ETS2: variants seen among roughly 807,000 people sequenced by gnomAD.
ETS2 encodes the protein protein C-ets-2.
In ETS2, 19 loss-of-function variants were observed where a neutral mutation model predicts 54.9. The observed-to-expected ratio is 0.35, with a 90% CI of 0.24 to 0.51. The LOEUF (loss-of-function observed/expected upper bound fraction) is 0.51. Ranked by LOEUF, ETS2 falls within the 20% of genes least tolerant of loss-of-function variation. The pLI is 0.97. For synonymous variants in ETS2, 219 were observed against 229.3 expected, an observed-to-expected ratio of 0.95 and a Z score of 0.41; for missense variants, 417 against 593.0, an observed-to-expected ratio of 0.70 and a Z score of 3.08.
Position 38,823,358 on chromosome 21 carries a change from T to C in ETS2, c.*469T>C, listed in dbSNP as rs1349677864. On this transcript the variant is annotated 3_prime_UTR_variant, in exon 10 of 10. Coordinates refer to ENST00000360938, the MANE Select transcript of ETS2 (RefSeq NM_005239.6). ...AGTTAGTTTGTATATATTATTATAA[T>C]CTTATAATTGTTCTCAGAATCCCTT... The C allele has an allele frequency of 1.3e-5, 2 of 152,888 alleles. No individual in the cohort carries two copies. Among genetic ancestry groups the C allele is most frequent in the African/African-American group, 4.8e-5 (2 of 41,474 alleles). The allele number at this position is 152,888 out of a possible 1,614,324, so 9.5% of individuals were successfully genotyped here.
intron 1 of ETS2, among the ~76,000 whole-genome samples, chr21:38,808,907 G>C (rs1054375362): frequency 2.6e-5 from 4 of 152,204 alleles, no homozygotes; most frequent in African/African-American, 4.8e-5. Context: ...CACCCTAGAG[G>C]TGAAGGCCAT....
intron 2 of ETS2, 82 bp from the exon 3 acceptor site, chr21:38,812,921 T>G: frequency 1.1e-6 from 1 of 936,234 alleles, no homozygotes; most frequent in Non-Finnish European, 1.7e-6. Flanking sequence ...ATTGGTAGGA[T>G]TGCCCACAGA....
intron 8 of ETS2, among the ~76,000 whole-genome samples, chr21:38,820,475 C>T (rs1001668546): frequency 1.2e-4 from 18 of 152,162 alleles, no homozygotes; most frequent in South Asian, 2.1e-4. Flanking sequence ...TTAAAATACA[C>T]GGAAAGAGTG....
rs2060892805 is a variant in ETS2, at chr21:38,806,328, C to T, written c.-1+208C>T. 1 of 964,272 alleles carries T rather than the reference C, an allele frequency of 1.0e-6. No individual in the cohort carries two copies. The highest frequency in any genetic ancestry group is 1.2e-6 in the Non-Finnish European group (1 of 810,700). The allele number at this position is 964,272 out of a possible 1,614,324, so 59.7% of individuals were successfully genotyped here. ...GCTCGTTTTCCGGTTATGGAGTGGC[C>T]TCCGGGGCTGGCGGGGTCGGCCGGG... On this transcript the variant is annotated intron_variant, in intron 1 of 9. Coordinates refer to ENST00000360938, the MANE Select transcript of ETS2 (RefSeq NM_005239.6). The surrounding 1 kb of genome is among the most constrained non-coding windows in gnomAD (Gnocchi z 4.3).
At position 38,818,023 on chromosome 21, in the gene ETS2, G is replaced by A. The variant is rs1262630062; in HGVS notation, c.590-402G>A. On this transcript the variant is annotated intron_variant, in intron 6 of 9. Transcript: ENST00000360938. ...GAAGGAGCAGAAAGCAGAGTGGGCT[G>A]TGCCTCAGCACACAGGGTTCATGGC... Among the ~76,000 whole-genome samples the A allele has an allele frequency of 1.3e-5, 2 of 152,198 alleles. 1 individual carries two copies.
rs1440950336 is a variant in ETS2 at position 38,814,664 on chromosome 21, C to T, written c.305-117C>T. The T allele has an allele frequency of 1.1e-5, 10 of 948,682 alleles. No individual in the cohort carries two copies. Among genetic ancestry groups the T allele is most frequent in the African/African-American group, 1.6e-5 (1 of 61,672 alleles). 58.8% of individuals were successfully genotyped at this position (948,682 alleles called of 1,614,324 possible). On this transcript the variant is annotated intron_variant, in intron 4 of 9. Transcript: ENST00000360938. This position sits in a 1 kb window ranked among gnomAD's most constrained non-coding sequence, Gnocchi z 4.2. ...TGACGTGTCATCATGGTATCTTGCT[C>T]ATTCGTGGGTTCTGGTGTATGTCGG...
In ETS2 at chr21:38,814,579, T is replaced by C. The variant is rs937870958; in HGVS notation, c.304+187T>C. 1.3e-5 allele frequency among the ~76,000 whole-genome samples: 2 copies of C among 152,182 alleles called. No homozygotes were observed. The highest frequency in any genetic ancestry group is 4.8e-5 in the African/African-American group (2 of 41,452). Reference sequence around the variant, plus strand: ...AAGACTTGATCCAGAACTCATTAAATATGTAGTAGAAGGACGCATTACTGG... The same window carrying C: ...AAGACTTGATCCAGAACTCATTAAACATGTAGTAGAAGGACGCATTACTGG... On this transcript the variant is annotated intron_variant, in intron 4 of 9. Transcript: ENST00000360938. This position sits in a 1 kb window ranked among gnomAD's most constrained non-coding sequence, Gnocchi z 4.2.
chr21:38,807,322 G>C (rs1423690385), intron 1 of ETS2, among the ~76,000 whole-genome samples: 3 of 151,336 alleles, frequency 2.0e-5, no homozygotes, highest in Non-Finnish European at 4.4e-5. Context: ...TCTTACATAA[G>C]TGATTACTTG....
intron 7 of ETS2, 44 bp downstream of exon 7, chr21:38,818,690 T>G: frequency 1.2e-6 from 2 of 1,607,712 alleles, no homozygotes; most frequent in African/African-American, 2.7e-5. Context: ...GCTTTGATTC[T>G]GAGAACCCCA....
chr21:38,820,363 T>TA (rs2060952977), intron 8 of ETS2, among the ~76,000 whole-genome samples: 2 of 152,172 alleles, frequency 1.3e-5, no homozygotes, highest in South Asian at 4.1e-4. Flanking sequence ...CCACTGTGGA[T>TA]TGAAATTACC....
intron 1 of ETS2, chr21:38,809,643 G>A: frequency 1.1e-5 from 2 of 180,208 alleles, no homozygotes; most frequent in East Asian, 1.8e-4. Flanking sequence ...GCGGCCCACT[G>A]CCCCACTGTA....
At position 38,813,081 on chromosome 21, in the gene ETS2, G is replaced by T; in HGVS notation, c.151G>T (p.Glu51Ter). ...PSLNEEQTLQ[E>*]VPTGLDSISH... ...TCTAAATGAAGAGCAAACACTGCAAGAAGTGCCAACAGGCTTGGATTCCAT... is the reference window on the plus strand; with the variant it reads ...TCTAAATGAAGAGCAAACACTGCAATAAGTGCCAACAGGCTTGGATTCCAT... The change falls in exon 3 of 10, where the codon GAA (glutamate) becomes TAA (stop). Residue 51 changes from glutamate (E) to a stop codon, truncating the protein, a stop_gained. Coordinates refer to ENST00000360938, the MANE Select transcript of ETS2 (RefSeq NM_005239.6). LOFTEE classifies it high-confidence loss of function. The T allele has an allele frequency of 6.2e-7, 1 of 1,613,600 alleles. No individual in the cohort carries two copies. The highest frequency in any genetic ancestry group is 8.5e-7 in the Non-Finnish European group (1 of 1,179,510).
chr21:38,811,357 C>G (rs1170757289), intron 2 of ETS2, among the ~76,000 whole-genome samples: 1 of 152,170 alleles, frequency 6.6e-6, no homozygotes, highest in East Asian at 1.9e-4. Flanking sequence ...CGGTTTTCCT[C>G]GTAGATCTCA....
intron 8 of ETS2, 87 bp downstream of exon 8, chr21:38,819,853 G>T (rs1008419262): frequency 7.3e-7 from 1 of 1,372,658 alleles, no homozygotes. Flanking sequence ...CACATTCACC[G>T]AGGGTGTTTC....
intron 6 of ETS2, 139 bp downstream of exon 6, chr21:38,817,230 T>C: frequency 3.4e-6 from 2 of 589,604 alleles, no homozygotes. Context: ...TGTTGAGCTA[T>C]AAGCCATTGA....
intron 1 of ETS2, among the ~76,000 whole-genome samples, chr21:38,809,307 AG>A (rs1340691540): frequency 6.6e-6 from 1 of 152,186 alleles, no homozygotes; most frequent in Admixed American, 6.5e-5. Flanking sequence ...GCCCAGGCCT[AG>A]TAGAAGATTA....
chr21:38,807,282 T>G (rs930359335), intron 1 of ETS2, among the ~76,000 whole-genome samples: 5 of 152,232 alleles, frequency 3.3e-5, no homozygotes, highest in Non-Finnish European at 7.3e-5. Flanking sequence ...TGTTTCTTTT[T>G]TTTGTTTGTT....
Position 38,806,404 on chromosome 21 carries a change from G to A in ETS2, c.-1+284G>A. The A allele has an allele frequency of 1.0e-6, 1 of 985,868 alleles. No individual in the cohort carries two copies. Among genetic ancestry groups the A allele is most frequent in the African/African-American group, 1.7e-5 (1 of 57,358 alleles). The allele number at this position is 985,868 out of a possible 1,614,324, so 61.1% of individuals were successfully genotyped here. ...TCTTCGGGGTCGCCTAGCGGCGGGCGCGGCCAGGGCGCGCTGGCTTGTTTC... is the reference window on the plus strand; with the variant it reads ...TCTTCGGGGTCGCCTAGCGGCGGGCACGGCCAGGGCGCGCTGGCTTGTTTC... On this transcript the variant is annotated intron_variant, in intron 1 of 9. Coordinates refer to ENST00000360938, the MANE Select transcript of ETS2 (RefSeq NM_005239.6). The surrounding 1 kb of genome is among the most constrained non-coding windows in gnomAD (Gnocchi z 4.3).
intron 1 of ETS2, among the ~76,000 whole-genome samples, chr21:38,809,023 A>G (rs764919953): frequency 1.5e-4 from 23 of 152,248 alleles, no homozygotes; most frequent in Non-Finnish European, 2.9e-4. Context: ...ATTACATTTT[A>G]GAGCTCCAAA....
Sources: gnomAD v4.1 joint callset for allele counts (sites outside exome capture counted in the v4.1 genomes callset) on GRCh38, gnomAD v4.1.1 for gene constraint, Gnocchi (gnomAD v3.1) non-coding constraint, MANE v1.5 for transcripts, NCBI Gene and HGNC (gene_info 2026-07-23, HGNC 2026-07-21) for gene names.